The following C4orf50 variants were observed in gnomAD, a reference collection of about 807,000 sequenced individuals.
C4orf50 encodes uncharacterized protein C4orf50.
Under a neutral mutation model 77.2 loss-of-function variants are expected in C4orf50, and 80 were observed. The ratio of observed to expected loss-of-function variants is 1.04; its 90% CI spans 0.87 to 1.25. The LOEUF (loss-of-function observed/expected upper bound fraction) is 1.25. Among genes scored for constraint, C4orf50 ranks in the 50% most tolerant of loss-of-function variants. The pLI is 0.00. For missense variants in C4orf50, 1,257 were observed against 1,152.9 expected (o/e 1.09, Z -1.31); for synonymous variants, 532 against 465.3 (o/e 1.14, Z -1.84).
chr4:5,939,692 C>T (rs888023468), intron 7 of C4orf50, among the ~76,000 whole-genome samples: 2 of 152,122 alleles, frequency 1.3e-5, no homozygotes, highest in Non-Finnish European at 2.9e-5. Flanking sequence ...CCCCTGAAGT[C>T]TCTAATTTGT....
intron 7 of C4orf50, among the ~76,000 whole-genome samples, chr4:5,907,109 A>G (rs1011551451): frequency 1.3e-5 from 2 of 152,238 alleles, no homozygotes; most frequent in African/African-American, 4.8e-5. Context: ...TGCTGCAGTC[A>G]GTGATGCTCC....
chr4:5,920,608 C>G (rs938938299), intron 7 of C4orf50, among the ~76,000 whole-genome samples: 5 of 151,770 alleles, frequency 3.3e-5, no homozygotes, highest in African/African-American at 1.2e-4. Flanking sequence ...TCCCAAGTAG[C>G]TGGGACTACA....
chr4:5,975,483 T>C (rs1720219454), intron 30 of C4orf50, among the ~76,000 whole-genome samples: 1 of 140,826 alleles, frequency 7.1e-6, no homozygotes, highest in African/African-American at 2.7e-5. Context: ...TCCTTCATTC[T>C]TCTTTGCGGT....
At position 5,936,524 on chromosome 4, in the gene C4orf50, T is replaced by C. The variant is rs142763858; in HGVS notation, c.*2474+20377A>G. Among the ~76,000 whole-genome samples, 633 of 126,530 alleles carry C rather than the reference T, an allele frequency of 5.0e-3. 4 individuals are homozygous for C. Among genetic ancestry groups the C allele is most frequent in the African/African-American group, 0.017 (584 of 33,500 alleles). 83.0% of individuals were successfully genotyped at this position (126,530 alleles called of 152,430 possible). ...CTGCAGTGAGCCGAGATCGCACCAC[T>C]GCACTCCAGCCTGGGCAACAATGGC... On this transcript the variant is annotated intron_variant, in intron 7 of 7. Transcript: ENST00000324058.
intron 7 of C4orf50, among the ~76,000 whole-genome samples, chr4:5,922,474 C>A (rs1465967829): frequency 1.3e-5 from 2 of 152,156 alleles, no homozygotes; most frequent in Non-Finnish European, 2.9e-5. Flanking sequence ...AGGTGCTGGG[C>A]CCTGCATCAG....
At chr4:5,906,939 A>G (rs1030549208) in intron 7 of C4orf50, among the ~76,000 whole-genome samples, 3 of 152,244 alleles carry the variant, frequency 2.0e-5, no homozygotes, top group African/African-American at 7.2e-5. Flanking sequence ...AGAACTTTAC[A>G]AGAATTCTGA....
chr4:5,918,296 G>A (rs749626810), intron 7 of C4orf50, among the ~76,000 whole-genome samples: 7 of 152,246 alleles, frequency 4.6e-5, no homozygotes, highest in Non-Finnish European at 4.4e-5. Flanking sequence ...CACAGATGGG[G>A]AAGTGGAGTC....
chr4:5,945,750 T>C (rs1442101946), intron 7 of C4orf50, among the ~76,000 whole-genome samples: 5 of 152,192 alleles, frequency 3.3e-5, no homozygotes, highest in African/African-American at 1.2e-4. Context: ...TGCATTTTTC[T>C]TGACCAGCTG....
In C4orf50 at chr4:5,908,344, A is replaced by G. The variant is rs1441767521; in HGVS notation, c.*2475-10156T>C. 6.6e-6 allele frequency among the ~76,000 whole-genome samples: 1 copy of G among 152,150 alleles called. No individual in the cohort carries two copies. Among genetic ancestry groups the G allele is most frequent in the African/African-American group, 2.4e-5 (1 of 41,436 alleles). On this transcript the variant is annotated intron_variant, in intron 7 of 7. Coordinates refer to the C4orf50 transcript ENST00000324058. The surrounding 1 kb of genome is among the most constrained non-coding windows in gnomAD (Gnocchi z 5.6). ...GACATTATGACAGGGTACATGCAGGAAGCTCACTGCACTGCACTGCATGTG... is the reference window on the plus strand; with the variant it reads ...GACATTATGACAGGGTACATGCAGGGAGCTCACTGCACTGCACTGCATGTG...
intron 30 of C4orf50, 128 bp downstream of exon 8, chr4:5,975,771 G>A (rs966751327): frequency 2.8e-6 from 2 of 706,530 alleles, no homozygotes; most frequent in East Asian, 2.8e-5. Flanking sequence ...TTACAGGTGT[G>A]AGCCACCGTG....
chr4:5,907,968 T>C (rs1716630150), intron 7 of C4orf50, among the ~76,000 whole-genome samples: 1 of 152,202 alleles, frequency 6.6e-6, no homozygotes, highest in African/African-American at 2.4e-5. Context: ...AGAAAGCTGG[T>C]TAACAGGAGA....
At chr4:5,966,234 G>T (rs963385943) in intron 32 of C4orf50, among the ~76,000 whole-genome samples, 1 of 152,320 alleles carries the variant, frequency 6.6e-6, no homozygotes, top group Non-Finnish European at 1.5e-5. Context: ...CCAGCACTTT[G>T]GGAGGGCAAG....
At position 6,017,140 on chromosome 4, in the gene C4orf50, A is replaced by G. The variant is rs961167646; in HGVS notation, c.287+1005T>C. ...GCTCCATCAGGCAAACAGTGCCCACAGCAGGAAGTTCTACAGAGAGAAACG... is the reference window on the plus strand; with the variant it reads ...GCTCCATCAGGCAAACAGTGCCCACGGCAGGAAGTTCTACAGAGAGAAACG... On this transcript the variant is annotated intron_variant, in intron 23 of 33. Coordinates refer to ENST00000531445, the Ensembl canonical transcript of C4orf50. The surrounding 1 kb of genome is among the most constrained non-coding windows in gnomAD (Gnocchi z 4.7). Among the ~76,000 whole-genome samples the G allele has an allele frequency of 2.0e-5, 3 of 152,234 alleles. No individual in the cohort carries two copies. The highest frequency in any genetic ancestry group is 4.4e-5 in the Non-Finnish European group (3 of 68,036).
intron 25 of C4orf50, among the ~76,000 whole-genome samples, chr4:6,004,350 GACGGTGA>G (rs140337194): frequency 0.019 from 473 of 25,230 alleles, no homozygotes; most frequent in Middle Eastern, 0.037. Flanking sequence ...TGGTGATGAT[GACGGTGA>G]TGGTGATGAT....
chr4:6,003,672 T>C (rs1408185715), intron 25 of C4orf50, among the ~76,000 whole-genome samples: 3 of 139,742 alleles, frequency 2.1e-5, no homozygotes, highest in Non-Finnish European at 3.2e-5. Flanking sequence ...ATGGTGATGG[T>C]GATGATAGTG....
chr4:5,899,732 C>T (rs1251008059), intron 7 of C4orf50: 1 of 152,202 alleles, frequency 6.6e-6, no homozygotes, highest in East Asian at 1.9e-4. Context: ...CATGGTTCTC[C>T]CCCAGCTGCC....
intron 27 of C4orf50, among the ~76,000 whole-genome samples, chr4:5,991,616 G>T (rs1721300372): frequency 6.6e-6 from 1 of 152,198 alleles, no homozygotes; most frequent in Non-Finnish European, 1.5e-5. Flanking sequence ...CTTGAGCTAG[G>T]CTCACTGTGA....
chr4:5,902,469 C>T (rs1716381787), intron 7 of C4orf50: 1 of 152,164 alleles, frequency 6.6e-6, no homozygotes, highest in African/African-American at 2.4e-5. Context: ...ACATCTCTTC[C>T]TGGGTTGTGT....
chr4:5,967,271 G>A (rs1384908619), intron 32 of C4orf50, 143 bp downstream of exon 10: 22 of 695,372 alleles, frequency 3.2e-5, no homozygotes, highest in Non-Finnish European at 4.2e-5. Flanking sequence ...ATAGGAAAGC[G>A]GGAGGGAGAG....
Sources: gnomAD v4.1 joint callset for allele counts (sites outside exome capture counted in the v4.1 genomes callset) on GRCh38, gnomAD v4.1.1 for gene constraint, Gnocchi (gnomAD v3.1) non-coding constraint, MANE v1.5 for transcripts, NCBI Gene and HGNC (gene_info 2026-07-23, HGNC 2026-07-21) for gene names.